The following RALYL variants were observed in gnomAD, a reference collection of about 807,000 sequenced individuals.
RALYL encodes the protein RNA-binding Raly-like protein.
In RALYL, 29 loss-of-function variants were observed where a neutral mutation model predicts 35.1. The ratio of observed to expected loss-of-function variants is 0.83; its 90% confidence interval spans 0.61 to 1.13. The LOEUF (loss-of-function observed/expected upper bound fraction) is 1.13, where lower values mean the gene tolerates loss of function less well. Ranked by LOEUF, RALYL falls within the 50% of genes most tolerant of loss-of-function variation. RALYL has a pLI of 0.00. For synonymous variants in RALYL, 120 were observed against 127.6 expected, an observed-to-expected ratio of 0.94 and a Z score of 0.40; for missense variants, 359 against 360.4, an observed-to-expected ratio of 1.00 and a Z score of 0.03.
chr8:84,568,188 A>C, intron 2 of RALYL, among the ~76,000 whole-genome samples: 1 of 106,264 alleles, frequency 9.4e-6, no homozygotes, highest in African/African-American at 3.7e-5. Context: ...CCCTAATGCT[A>C]TCCCTCCCCC....
chr8:84,620,868 G>C (rs1220901722), intron 2 of RALYL, among the ~76,000 whole-genome samples: 3 of 152,150 alleles, frequency 2.0e-5, no homozygotes, highest in Admixed American at 6.5e-5. Context: ...AGGTGTCAGT[G>C]TGCCCCTGCT....
intron 4 of RALYL, among the ~76,000 whole-genome samples, chr8:84,823,455 C>T (rs1828946078): frequency 6.6e-6 from 1 of 152,170 alleles, no homozygotes; most frequent in Admixed American, 6.6e-5. Context: ...CCTAATGGCA[C>T]ACAAAGCCAG....
At chr8:84,416,893 T>C (rs1191854878) in intron 1 of RALYL, among the ~76,000 whole-genome samples, 1 of 152,198 alleles carries the variant, frequency 6.6e-6, no homozygotes, top group Non-Finnish European at 1.5e-5. Flanking sequence ...TAGGAAAGTG[T>C]AGCCTTCTTA....
At chr8:84,541,665 T>C (rs1380141451) in intron 2 of RALYL, among the ~76,000 whole-genome samples, 2 of 152,082 alleles carry the variant, frequency 1.3e-5, no homozygotes, top group Non-Finnish European at 2.9e-5. Context: ...TTAATAGATG[T>C]GAATTACGAT....
At chr8:84,305,146 A>G (rs1841541861) in intron 1 of RALYL, among the ~76,000 whole-genome samples, 1 of 152,184 alleles carries the variant, frequency 6.6e-6, no homozygotes, top group Non-Finnish European at 1.5e-5. Flanking sequence ...GTAAAAAAAC[A>G]CTCAATTATT....
At chr8:84,365,815 T>C (rs1335243006) in intron 1 of RALYL, among the ~76,000 whole-genome samples, 6 of 152,194 alleles carry the variant, frequency 3.9e-5, no homozygotes, top group Non-Finnish European at 8.8e-5. Context: ...GCTGGAAGAT[T>C]GGCAGAAACC....
intron 2 of RALYL, among the ~76,000 whole-genome samples, chr8:84,647,770 A>G (rs1302795830): frequency 2.6e-5 from 4 of 152,146 alleles, no homozygotes; most frequent in Non-Finnish European, 4.4e-5. Flanking sequence ...TATGGTGATC[A>G]TTATTAAACA....
At chr8:84,582,136 G>A (rs1810975389) in intron 2 of RALYL, among the ~76,000 whole-genome samples, 1 of 152,108 alleles carries the variant, frequency 6.6e-6, no homozygotes, top group East Asian at 1.9e-4. Context: ...GAACAAAGTT[G>A]ACACAAAGTT....
intron 8 of RALYL, among the ~76,000 whole-genome samples, 190 bp from the exon 9 acceptor site, chr8:84,920,704 A>C: frequency 6.6e-6 from 1 of 152,258 alleles, no homozygotes; most frequent in East Asian, 1.9e-4. Context: ...ATAAATGAAA[A>C]TAATTATAGA....
rs150736237 is a variant in RALYL, at chr8:84,312,680, C to G, written c.-24+128256C>G. On this transcript the variant is annotated intron_variant, in intron 1 of 8. Transcript: ENST00000521268. ...GTCTCACACCCAGGGCATGCTGATG[C>G]AAAGGGTGGGCTCCCATGGCCTTGG... 3.3e-5 allele frequency among the ~76,000 whole-genome samples: 5 copies of G among 152,348 alleles called. No individual in the cohort carries two copies. In the East Asian group the frequency reaches 9.7e-4, roughly 29 times the overall value.
intron 1 of RALYL, among the ~76,000 whole-genome samples, chr8:84,226,572 A>G (rs549528115): frequency 1.3e-5 from 2 of 151,140 alleles, no homozygotes; most frequent in African/African-American, 4.9e-5. Flanking sequence ...ATTACAGTGT[A>G]TATACATATA....
chr8:84,580,160 T>TA (rs1212582071), intron 2 of RALYL, among the ~76,000 whole-genome samples: 1 of 152,240 alleles, frequency 6.6e-6, no homozygotes, highest in Non-Finnish European at 1.5e-5. Context: ...GGATAGTTTT[T>TA]ATCTTCATTC....
At chr8:84,538,641 C>A (rs1220865358) in intron 2 of RALYL, among the ~76,000 whole-genome samples, 2 of 151,930 alleles carry the variant, frequency 1.3e-5, no homozygotes, top group African/African-American at 4.8e-5. Context: ...GGAAAATATT[C>A]TAATTGTGGA....
intron 2 of RALYL, among the ~76,000 whole-genome samples, chr8:84,549,363 G>A (rs187295596): frequency 2.3e-3 from 353 of 152,172 alleles, no homozygotes; most frequent in African/African-American, 8.2e-3. Context: ...CCCATGGATT[G>A]GTGTGATGGT....
At chr8:84,245,311 G>A (rs1172104578) in intron 1 of RALYL, among the ~76,000 whole-genome samples, 1 of 152,132 alleles carries the variant, frequency 6.6e-6, no homozygotes, top group Non-Finnish European at 1.5e-5. Flanking sequence ...TCATTGAGAA[G>A]TTTCTCCTCA....
rs183841353 is a variant in RALYL, at chr8:84,736,068, A to C, written c.257-38511A>C. 1.3e-3 allele frequency among the ~76,000 whole-genome samples: 192 copies of C among 152,248 alleles called. 2 individuals are homozygous for C. Among genetic ancestry groups the C allele is most frequent in the Admixed American group, 1.6e-3 (25 of 15,252 alleles). On this transcript the variant is annotated intron_variant, in intron 2 of 8. Coordinates refer to ENST00000521268, the MANE Select transcript of RALYL (RefSeq NM_173848.7). ...TCATACTTTTCTAGCAATGTGAGAA[A>C]CACAGGAGGCAGATGTGAGACCAGT...
At chr8:84,194,642 C>G (rs1486817002) in intron 1 of RALYL, among the ~76,000 whole-genome samples, 2 of 152,044 alleles carry the variant, frequency 1.3e-5, no homozygotes, top group African/African-American at 4.8e-5. Context: ...CATCAGAAGT[C>G]CAGATAGCAG....
chr8:84,458,596 C>T (rs1438429665), intron 1 of RALYL, among the ~76,000 whole-genome samples: 3 of 151,644 alleles, frequency 2.0e-5, no homozygotes, highest in Non-Finnish European at 3.0e-5. Flanking sequence ...AAAAAATTCA[C>T]TGAAACATGT....
intron 1 of RALYL, among the ~76,000 whole-genome samples, chr8:84,423,702 C>T (rs1170144664): frequency 6.6e-6 from 1 of 151,692 alleles, no homozygotes; most frequent in Non-Finnish European, 1.5e-5. Flanking sequence ...TGTTCCTTTC[C>T]ATGTTTAGTG....
Sources: gnomAD v4.1 joint callset for allele counts (sites outside exome capture counted in the v4.1 genomes callset) on GRCh38, gnomAD v4.1.1 for gene constraint, MANE v1.5 for transcripts, NCBI Gene and HGNC (gene_info 2026-07-23, HGNC 2026-07-21) for gene names.